CACNA1C: variants seen among roughly 807,000 people sequenced by gnomAD.
The protein encoded by CACNA1C is calcium voltage-gated channel subunit alpha1 C, also known as voltage-dependent L-type calcium channel subunit alpha-1C.
A neutral mutation model predicts 229.0 loss-of-function variants in CACNA1C; 30 were observed. The observed-to-expected ratio is 0.13, with a 90% CI of 0.10 to 0.18. CACNA1C has a LOEUF of 0.18. Among genes scored for constraint, CACNA1C ranks in the 10% least tolerant of loss-of-function variants. CACNA1C has a pLI of 1.00. For missense variants in CACNA1C, 1,658 were observed against 2,845.0 expected (o/e 0.58, Z 9.49); for synonymous variants, 1,114 against 1,132.5 (o/e 0.98, Z 0.33).
Position 2,165,779 on chromosome 12 carries a change from A to G in CACNA1C, c.477+45349A>G, listed in dbSNP as rs139101555. On this transcript the variant is annotated intron_variant, in intron 3 of 46. Coordinates refer to ENST00000399655, the MANE Select transcript of CACNA1C (RefSeq NM_000719.7). ...TTAGCCTGAAGTTCAAGTACTTGCA[A>G]AGGTTTCTAGCACACAGTGTGCAGT... Among the ~76,000 whole-genome samples, 2 of 152,216 alleles carry G rather than the reference A, an allele frequency of 1.3e-5. 1 individual carries two copies. The highest frequency in any genetic ancestry group is 4.8e-5 in the African/African-American group (2 of 41,532).
intron 9 of CACNA1C, among the ~76,000 whole-genome samples, chr12:2,527,017 C>T (rs988364278): frequency 1.3e-5 from 2 of 152,142 alleles, no homozygotes; most frequent in African/African-American, 4.8e-5. Flanking sequence ...TTTATCCTTT[C>T]TGAATATATA....
chr12:2,580,787 C>T (rs1299957001), intron 13 of CACNA1C, among the ~76,000 whole-genome samples: 2 of 152,212 alleles, frequency 1.3e-5, no homozygotes, highest in African/African-American at 4.8e-5. Flanking sequence ...AGCTCCTGCC[C>T]ACTCAGAGGA....
At chr12:2,272,547 T>C (rs1282086693) in intron 3 of CACNA1C, among the ~76,000 whole-genome samples, 1 of 152,260 alleles carries the variant, frequency 6.6e-6, no homozygotes, top group African/African-American at 2.4e-5. Flanking sequence ...AAATTTGCTA[T>C]AATTTCTTAA....
chr12:2,072,548 T>G (rs2061746727), intron 1 of CACNA1C, among the ~76,000 whole-genome samples: 2 of 152,220 alleles, frequency 1.3e-5, no homozygotes, highest in East Asian at 3.8e-4. Context: ...CTCCTATTCA[T>G]GGCACCTAAT....
rs112420489 is a variant in CACNA1C, at chr12:2,102,202, C to T, written c.50-13022C>T. Among the ~76,000 whole-genome samples the T allele has an allele frequency of 7.1e-3, 1,080 of 152,252 alleles. 14 individuals are homozygous for T. Among genetic ancestry groups the T allele is most frequent in the African/African-American group, 0.024 (1,013 of 41,528 alleles). On this transcript the variant is annotated intron_variant, in intron 1 of 46. Coordinates refer to ENST00000399655, the MANE Select transcript of CACNA1C (RefSeq NM_000719.7). Reference sequence around the variant, plus strand: ...TAAAATAACGGAAGAGCATCTTCCCCGTATACTTCTGCACGGAAACCTTTG... The same window carrying T: ...TAAAATAACGGAAGAGCATCTTCCCTGTATACTTCTGCACGGAAACCTTTG...
chr12:2,459,147 T>G (rs959329283), intron 5 of CACNA1C, among the ~76,000 whole-genome samples: 5 of 145,364 alleles, frequency 3.4e-5, no homozygotes, highest in Non-Finnish European at 7.5e-5. Context: ...CATGCCCAGC[T>G]AATTTTTGTT....
At chr12:2,169,397 G>C (rs1461803874) in intron 3 of CACNA1C, among the ~76,000 whole-genome samples, 1 of 152,098 alleles carries the variant, frequency 6.6e-6, no homozygotes, top group African/African-American at 2.4e-5. Context: ...TATTTGCTAG[G>C]CATCTGAGCT....
In CACNA1C at chr12:2,674,587, G is replaced by T. The variant is rs786205763; in HGVS notation, c.4773G>T (p.Lys1591Asn). Reference sequence around the variant, plus strand: ...AGGAGCTGCGGGCGATCATCAAGAAGATCTGGAAGCGGACCAGCATGAAGC... The same window carrying T: ...AGGAGCTGCGGGCGATCATCAAGAATATCTGGAAGCGGACCAGCATGAAGC... ...ANEELRAIIKKIWKRTSMKLL... is the reference protein window; with the variant it reads ...ANEELRAIIKNIWKRTSMKLL... Residue 1591 changes from lysine to asparagine, a missense_variant, in exon 39 of 47, where the codon AAG becomes AAT. Around this residue, in one of 20 missense-constraint regions of CACNA1C, gnomAD observed 151 missense variants for 344.4 expected, o/e 0.44. Coordinates refer to ENST00000399655, the MANE Select transcript of CACNA1C (RefSeq NM_000719.7). 11 of 1,576,356 alleles carry T rather than the reference G, an allele frequency of 7.0e-6. No homozygotes were observed. Among genetic ancestry groups the T allele is most frequent in the Non-Finnish European group, 9.5e-6 (11 of 1,160,428 alleles).
chr12:2,415,166 T>TTGTA (rs1471592023), intron 3 of CACNA1C, among the ~76,000 whole-genome samples: 1 of 152,244 alleles, frequency 6.6e-6, no homozygotes, highest in Non-Finnish European at 1.5e-5. Context: ...TGTCTTGCTC[T>TTGTA]TGTATGTTTT....
rs138550411 is a variant in CACNA1C at position 2,259,331 on chromosome 12, G to T, written c.477+138901G>T. On this transcript the variant is annotated intron_variant, in intron 3 of 46. Transcript: ENST00000399655. ...GTTTGAGACTGGTTAGCTTAAAACAGCCTCTGAGAGGGGCTGCAAGCCACT... is the reference window on the plus strand; with the variant it reads ...GTTTGAGACTGGTTAGCTTAAAACATCCTCTGAGAGGGGCTGCAAGCCACT... 3.3e-5 allele frequency among the ~76,000 whole-genome samples: 5 copies of T among 152,332 alleles called. 1 individual carries two copies. In the South Asian group the frequency reaches 1.0e-3, roughly 32 times the overall value.
chr12:2,495,852 C>T (rs2099745783), intron 7 of CACNA1C, among the ~76,000 whole-genome samples: 1 of 152,204 alleles, frequency 6.6e-6, no homozygotes, highest in Admixed American at 6.5e-5. Context: ...ATACACACAC[C>T]TAAAACTGAA....
chr12:2,617,938 A>G (rs1204137178), intron 29 of CACNA1C, among the ~76,000 whole-genome samples: 2 of 152,226 alleles, frequency 1.3e-5, no homozygotes, highest in African/African-American at 4.8e-5. Context: ...TGTCCTTTAG[A>G]TTTAGCATCT....
intron 9 of CACNA1C, among the ~76,000 whole-genome samples, chr12:2,516,248 C>T (rs907675478): frequency 6.6e-6 from 1 of 152,044 alleles, no homozygotes; most frequent in Non-Finnish European, 1.5e-5. Flanking sequence ...CTGATGAATC[C>T]GGAGCTGAGG....
intron 3 of CACNA1C, among the ~76,000 whole-genome samples, chr12:2,291,821 G>A (rs1253127020): frequency 6.6e-6 from 1 of 152,242 alleles, no homozygotes; most frequent in African/African-American, 2.4e-5. Context: ...TACGTGGGAA[G>A]AGTGATTCAC....
At chr12:2,149,194 A>G (rs1318373282) in intron 3 of CACNA1C, among the ~76,000 whole-genome samples, 2 of 152,180 alleles carry the variant, frequency 1.3e-5, no homozygotes, top group Non-Finnish European at 2.9e-5. Flanking sequence ...AAGGGCAGCT[A>G]TGACCTATCT....
intron 3 of CACNA1C, among the ~76,000 whole-genome samples, chr12:2,151,214 C>G (rs569729764): frequency 6.6e-6 from 1 of 152,118 alleles, no homozygotes; most frequent in Non-Finnish European, 1.5e-5. Flanking sequence ...CAGATCATCT[C>G]ATCCAATTCC....
intron 3 of CACNA1C, among the ~76,000 whole-genome samples, chr12:2,298,477 T>C (rs1464183332): frequency 1.3e-5 from 2 of 152,198 alleles, no homozygotes; most frequent in Non-Finnish European, 2.9e-5. Context: ...TTTTGTATTT[T>C]TAGTAGAGAC....
intron 3 of CACNA1C, among the ~76,000 whole-genome samples, chr12:2,272,679 C>T (rs889879404): frequency 6.6e-6 from 1 of 152,198 alleles, no homozygotes; most frequent in East Asian, 1.9e-4. Context: ...GTTCTTCTCA[C>T]CCCATCAGTA....
chr12:2,550,501 A>C (rs751700222), intron 10 of CACNA1C: 10 of 1,328,676 alleles, frequency 7.5e-6, no homozygotes, highest in Non-Finnish European at 9.9e-6. Flanking sequence ...CTGGGAGATG[A>C]CTGGCATGTG....
Sources: gnomAD v4.1 joint callset for allele counts (sites outside exome capture counted in the v4.1 genomes callset) on GRCh38, gnomAD v4.1.1 for gene constraint, gnomAD v4.1.1 regional missense constraint, MANE v1.5 for transcripts, NCBI Gene and HGNC (gene_info 2026-07-23, HGNC 2026-07-21) for gene names.